The following PPP2R3A variants were observed in gnomAD, a reference collection of about 807,000 sequenced individuals.
PPP2R3A encodes serine/threonine-protein phosphatase 2A regulatory subunit B'' subunit alpha.
In PPP2R3A, 80 loss-of-function variants were observed where a neutral mutation model predicts 106.9. The ratio of observed to expected loss-of-function variants is 0.75; its 90% CI spans 0.62 to 0.90. The LOEUF is 0.90. Among genes scored for constraint, PPP2R3A ranks in the 40% least tolerant of loss-of-function variants. The probability of loss-of-function intolerance (pLI) is 0.00; values close to 1 mark genes in which losing one functional copy is unlikely to be tolerated. For synonymous variants in PPP2R3A, 483 were observed against 468.3 expected, an observed-to-expected ratio of 1.03 and a Z score of -0.41; for missense variants, 1,386 against 1,350.4, an observed-to-expected ratio of 1.03 and a Z score of -0.41.
intron 5 of PPP2R3A, among the ~76,000 whole-genome samples, chr3:136,058,819 A>G (rs1269088508): frequency 6.6e-6 from 1 of 152,208 alleles, no homozygotes; most frequent in Non-Finnish European, 1.5e-5. Context: ...ATGGAACAGA[A>G]TAGAGAACCC....
intron 12 of PPP2R3A, among the ~76,000 whole-genome samples, 181 bp downstream of exon 12, chr3:136,103,557 C>T (rs1384639829): frequency 2.0e-5 from 3 of 152,092 alleles, no homozygotes; most frequent in East Asian, 3.9e-4. Context: ...CACAGCCGAT[C>T]GTCAGGTCTA....
chr3:136,002,193 G>T lies in PPP2R3A; in HGVS notation c.695G>T (p.Cys232Phe). 1 of 1,612,812 alleles carries T rather than the reference G, an allele frequency of 6.2e-7. No homozygotes were observed. Among genetic ancestry groups the T allele is most frequent in the Non-Finnish European group, 8.5e-7 (1 of 1,179,208 alleles). The change falls in exon 2 of 14, where the codon TGC (cysteine) becomes TTC (phenylalanine). Residue 232 changes from cysteine (C) to phenylalanine (F), a missense_variant. Physicochemically the swap from Cys to Phe is radical, Grantham distance 205 (BLOSUM62 -2). Coordinates refer to ENST00000264977, the MANE Select transcript of PPP2R3A (RefSeq NM_002718.5). Reference sequence around the variant, plus strand: ...TCTTCTGGGACAGACATAAAGATGTGCTTGGACATCTTATTGAAATGCTCC... The same window carrying T: ...TCTTCTGGGACAGACATAAAGATGTTCTTGGACATCTTATTGAAATGCTCC... The part of the protein sequence containing the change: ...NFSSGTDIKM[C>F]LDILLKCSED...
At chr3:136,015,961 G>A (rs1576436430) in intron 2 of PPP2R3A, among the ~76,000 whole-genome samples, 1 of 152,092 alleles carries the variant, frequency 6.6e-6, no homozygotes, top group East Asian at 1.9e-4. Context: ...TTAATGCTAT[G>A]AACTTTAATC....
chr3:135,981,395 A>G lies in PPP2R3A; in HGVS notation c.-441+15546A>G, dbSNP rs987898773. Among the ~76,000 whole-genome samples, 23 of 151,738 alleles carry G rather than the reference A, an allele frequency of 1.5e-4. 1 individual carries two copies. The highest frequency in any genetic ancestry group is 1.4e-3 in the Admixed American group (22 of 15,264). ...ATTTTTTCATCAGTTAAAATGCCAA[A>G]TGAAGCTGAACAACTCTCAGAAATG... On this transcript the variant is annotated intron_variant, in intron 1 of 13. Transcript: ENST00000264977.
At position 136,002,841 on chromosome 3, in the gene PPP2R3A, G is replaced by C; in HGVS notation, c.1343G>C (p.Arg448Thr). The C allele has an allele frequency of 1.2e-6, 2 of 1,613,970 alleles. No individual in the cohort carries two copies. The highest frequency in any genetic ancestry group is 8.5e-7 in the Non-Finnish European group (1 of 1,179,938). Reference sequence around the variant, plus strand: ...GAGTTATTAAAGGTAAATGAACATAGAGCAGAATTTCCAGAACATGCTACT... The same window carrying C: ...GAGTTATTAAAGGTAAATGAACATACAGCAGAATTTCCAGAACATGCTACT... ...SHELLKVNEH[R>T]AEFPEHATHL... is the part of the protein sequence containing the mutation. The change falls in exon 2 of 14, where the codon AGA becomes ACA. Residue 448 changes from arginine to threonine, a missense_variant. By Grantham distance (71) the Arg-to-Thr change is moderately conservative. Transcript: ENST00000264977.
At chr3:136,116,346 ATAAC>A (rs1174507976) in intron 13 of PPP2R3A, among the ~76,000 whole-genome samples, 3 of 152,186 alleles carry the variant, frequency 2.0e-5, no homozygotes, top group Non-Finnish European at 2.9e-5. Context: ...AACGGACAAA[ATAAC>A]TAGCTAGCAT....
chr3:136,039,970 T>C (rs1935208781), intron 3 of PPP2R3A, among the ~76,000 whole-genome samples: 1 of 152,176 alleles, frequency 6.6e-6, no homozygotes, highest in African/African-American at 2.4e-5. Context: ...TGTGGTAGCC[T>C]CTAATATATA....
In PPP2R3A at chr3:136,026,476, A is replaced by G. The variant is rs1334633180; in HGVS notation, c.1996-356A>G. Among the ~76,000 whole-genome samples the G allele has an allele frequency of 2.0e-5, 3 of 152,186 alleles. No individual in the cohort carries two copies. The East Asian group carries it at 5.8e-4, about 29-fold the overall frequency. The stretch of plus-strand genomic sequence containing the variant: ...ACAGAAAGACCAAGAACTGTCTTCA[A>G]AAAGAATGTATTAATCCAGTTCCAA... On this transcript the variant is annotated intron_variant, in intron 2 of 13. Transcript: ENST00000264977.
rs764168640 is a variant in PPP2R3A, at chr3:136,026,906, T to C, written c.2070T>C (p.Pro690=). Residue 690 remains proline, a synonymous_variant, in exon 3 of 14, where the codon CCT becomes CCC. Coordinates refer to ENST00000264977, the MANE Select transcript of PPP2R3A (RefSeq NM_002718.5). ...CCACCTCTCCAAGTAGTCCCCGACC[T>C]CTCTCCCCGGTTCCCCATGTGAATA... ...PPATSPSSPR[P]LSPVPHVNNV... The C allele has an allele frequency of 1.2e-6, 2 of 1,612,990 alleles. No individual in the cohort carries two copies. Among genetic ancestry groups the C allele is most frequent in the Non-Finnish European group, 1.7e-6 (2 of 1,179,080 alleles).
chr3:136,031,285 T>C (rs1195357856), intron 3 of PPP2R3A, among the ~76,000 whole-genome samples: 2 of 152,230 alleles, frequency 1.3e-5, no homozygotes, highest in Admixed American at 6.5e-5. Context: ...ATTTTTTATA[T>C]GTTTATTGGC....
Position 136,001,971 on chromosome 3 carries a change from T to C in PPP2R3A, c.473T>C (p.Leu158Ser). 6.2e-7 allele frequency: 1 copy of C among 1,614,194 alleles called. No individual in the cohort carries two copies. Among genetic ancestry groups the C allele is most frequent in the South Asian group, 1.1e-5 (1 of 91,080 alleles). Residue 158 changes from leucine (L) to serine (S), a missense_variant, in exon 2 of 14, where the codon TTG (leucine) becomes TCG (serine). Physicochemically the swap from Leu to Ser is moderately radical, Grantham distance 145. Transcript: ENST00000264977. ...SDSFNRRSVDLDLLCGHYNND... is the reference protein window; with the variant it reads ...SDSFNRRSVDSDLLCGHYNND... ...TCATTTAATAGGAGGTCAGTTGATT[T>C]GGACTTGCTTTGTGGCCATTATAAC...
At chr3:136,015,435 A>G (rs1239006935) in intron 2 of PPP2R3A, among the ~76,000 whole-genome samples, 2 of 152,172 alleles carry the variant, frequency 1.3e-5, no homozygotes, top group East Asian at 1.9e-4. Flanking sequence ...CTGTGAATCC[A>G]TCTGGTCCTG....
rs367968403 is a variant in PPP2R3A, at chr3:136,127,150, T to C, written c.3330-17893T>C. Among the ~76,000 whole-genome samples, 11 of 152,316 alleles carry C rather than the reference T, an allele frequency of 7.2e-5. No homozygotes were observed. The East Asian group carries it at 1.9e-3, about 27-fold the overall frequency. On this transcript the variant is annotated intron_variant, in intron 13 of 13. Transcript: ENST00000264977. The stretch of plus-strand genomic sequence containing the variant: ...CTTCTCGCCAGCAACGGAACAAAGC[T>C]GGACAGAGAATGACTTTGACGAGTT...
At chr3:136,020,011 TAAGA>T (rs1203558038) in intron 2 of PPP2R3A, among the ~76,000 whole-genome samples, 2 of 152,154 alleles carry the variant, frequency 1.3e-5, no homozygotes, top group Non-Finnish European at 2.9e-5. Flanking sequence ...GAAAGCACAG[TAAGA>T]AAGAGACCAC....
At chr3:135,981,831 A>T (rs890621954) in intron 1 of PPP2R3A, among the ~76,000 whole-genome samples, 6 of 151,840 alleles carry the variant, frequency 4.0e-5, no homozygotes, top group African/African-American at 1.5e-4. Flanking sequence ...AGGCCAAGGG[A>T]GAATAGTACA....
Position 136,003,133 on chromosome 3 carries a change from G to A in PPP2R3A, c.1635G>A (p.Gln545=), listed in dbSNP as rs1475673023. 1.2e-6 allele frequency: 2 copies of A among 1,613,160 alleles called. No homozygotes were observed. The highest frequency in any genetic ancestry group is 8.5e-7 in the Non-Finnish European group (1 of 1,179,768). Residue 545 remains glutamine (Q), a synonymous_variant, in exon 2 of 14, where the codon CAG becomes CAA. Transcript: ENST00000264977. ...CTAATTTTTTAAATAGTCACAGTCA[G>A]TTGACCGGTCAGACCCTTGTAGATC... ...KNSNFLNSHS[Q]LTGQTLVDLE...
intron 13 of PPP2R3A, among the ~76,000 whole-genome samples, chr3:136,143,179 C>G (rs193290330): frequency 6.6e-6 from 1 of 152,220 alleles, no homozygotes; most frequent in African/African-American, 2.4e-5. Flanking sequence ...GTTTAAACCT[C>G]TAACCTCTAT....
At chr3:136,036,734 A>G (rs1935099281) in intron 3 of PPP2R3A, among the ~76,000 whole-genome samples, 1 of 152,070 alleles carries the variant, frequency 6.6e-6, no homozygotes, top group Admixed American at 6.6e-5. Context: ...GCCTCCACAC[A>G]CTGCTCTGTC....
chr3:136,030,721 A>G (rs1188818678), intron 3 of PPP2R3A, among the ~76,000 whole-genome samples: 1 of 149,198 alleles, frequency 6.7e-6, no homozygotes, highest in Admixed American at 6.7e-5. Flanking sequence ...TGCGAATGCC[A>G]TTAATTCATT....
Sources: gnomAD v4.1 joint callset for allele counts (sites outside exome capture counted in the v4.1 genomes callset) on GRCh38, gnomAD v4.1.1 for gene constraint, MANE v1.5 for transcripts, NCBI Gene and HGNC (gene_info 2026-07-23, HGNC 2026-07-21) for gene names.